The following SLC43A1 variants were observed in gnomAD, a reference collection of about 807,000 sequenced individuals.
The protein encoded by SLC43A1 is large neutral amino acids transporter small subunit 3.
Under a neutral mutation model 59.5 loss-of-function variants are expected in SLC43A1, and 31 were observed. The ratio of observed to expected loss-of-function variants is 0.52; its 90% confidence interval spans 0.39 to 0.70. SLC43A1 has a LOEUF of 0.70. Among genes scored for constraint, SLC43A1 ranks in the 30% least tolerant of loss-of-function variants. The pLI is 0.00. For synonymous variants in SLC43A1, 259 were observed against 290.9 expected (o/e 0.89, Z 1.12); for missense variants, 598 against 717.8 (o/e 0.83, Z 1.91).
Position 57,484,813 on chromosome 11 carries a change from G to A in SLC43A1, c.*283C>T, listed in dbSNP as rs1943683948. The A allele has an allele frequency of 3.1e-6, 1 of 323,384 alleles. No individual in the cohort carries two copies. Among genetic ancestry groups the A allele is most frequent in the Non-Finnish European group, 5.7e-6 (1 of 174,766 alleles). 20.0% of individuals were successfully genotyped at this position (323,384 alleles called of 1,614,324 possible). A position where few individuals can be genotyped will look rare whatever the true frequency, so the allele number is the denominator to read the frequency against. ...ACCAGGAGGCAGACCGCTAGAAGGA[G>A]ATAAGAGGCACCCTGGTCTCCTCCA... On this transcript the variant is annotated 3_prime_UTR_variant, in exon 15 of 15. Coordinates refer to ENST00000278426, the MANE Select transcript of SLC43A1 (RefSeq NM_003627.6).
At chr11:57,502,492 T>C (rs961543845) in intron 2 of SLC43A1, among the ~76,000 whole-genome samples, 2 of 152,138 alleles carry the variant, frequency 1.3e-5, no homozygotes, top group African/African-American at 4.8e-5. Context: ...TGGTGGGTCA[T>C]GTGGTAAGCA....
chr11:57,515,109 C>A lies in SLC43A1; in HGVS notation c.-14+335G>T. 1 of 980,624 alleles carries A rather than the reference C, an allele frequency of 1.0e-6. No individual in the cohort carries two copies. The highest frequency in any genetic ancestry group is 5.2e-4 in the Middle Eastern group (1 of 1,906). 60.7% of individuals were successfully genotyped at this position (980,624 alleles called of 1,614,324 possible). ...AGAGGGGAGGAAGTACCAGTCACTT[C>A]TTCCAGGGGGACTCGGTATTCTCAT... On this transcript the variant is annotated intron_variant, in intron 1 of 14. Transcript: ENST00000278426. The surrounding 1 kb of genome is among the most constrained non-coding windows in gnomAD (Gnocchi z 5.3).
Position 57,485,201 on chromosome 11 carries a change from C to T in SLC43A1, c.1575G>A (p.Leu525=). The T allele has an allele frequency of 1.2e-6, 2 of 1,613,814 alleles. No homozygotes were observed. Among genetic ancestry groups the T allele is most frequent in the Non-Finnish European group, 1.7e-6 (2 of 1,179,882 alleles). Residue 525 remains leucine (L), a synonymous_variant, in exon 15 of 15, where the codon CTG becomes CTA. Transcript: ENST00000278426. ...GLLLFSLLGF[L]LPSYLFYYRA... ...GGTAATAGAAGAGGTAGGAAGGCAA[C>T]AGGAATCCCAGGAGTGAGAATAGCA...
chr11:57,489,760 G>A (rs941045615), intron 11 of SLC43A1, among the ~76,000 whole-genome samples: 1 of 152,210 alleles, frequency 6.6e-6, no homozygotes, highest in Non-Finnish European at 1.5e-5. Flanking sequence ...GGGAAGGAAG[G>A]TGGGAAGTGG....
chr11:57,493,080 C>T (rs1590753533), intron 8 of SLC43A1, among the ~76,000 whole-genome samples: 1 of 152,108 alleles, frequency 6.6e-6, no homozygotes, highest in African/African-American at 2.4e-5. Flanking sequence ...AACTCTGAAG[C>T]ACTCACTATG....
rs926630428 is a variant in SLC43A1 at position 57,514,797 on chromosome 11, C to G, written c.-14+647G>C. ...CTCACTCACTCCGCAGGGCTCGGGG[C>G]ACCAGGCTTTGCACCTCGGAACCCG... On this transcript the variant is annotated intron_variant, in intron 1 of 14. Transcript: ENST00000278426. The surrounding 1 kb of genome is among the most constrained non-coding windows in gnomAD (Gnocchi z 5.5). The G allele has an allele frequency of 7.1e-6, 7 of 985,362 alleles. No individual in the cohort carries two copies. Among genetic ancestry groups the G allele is most frequent in the Non-Finnish European group, 8.4e-6 (7 of 829,846 alleles). The allele number at this position is 985,362 out of a possible 1,614,324, so 61.0% of individuals were successfully genotyped here. A position where few individuals can be genotyped will look rare whatever the true frequency, so the allele number is the denominator to read the frequency against.
At chr11:57,501,450 CTA>C in intron 2 of SLC43A1, 121 bp from the exon 3 acceptor site, 1 of 974,416 alleles carries the variant, frequency 1.0e-6, no homozygotes, top group African/African-American at 1.6e-5. Flanking sequence ...TGGGGGTACC[CTA>C]GAGTCACATC....
At chr11:57,489,169 T>A (rs960345894) in intron 12 of SLC43A1, 82 bp downstream of exon 12, 3 of 1,552,072 alleles carry the variant, frequency 1.9e-6, no homozygotes, top group Admixed American at 1.7e-5. Flanking sequence ...GAACTGCGCT[T>A]CCTGGAAGGC....
Position 57,494,093 on chromosome 11 carries a change from C to T in SLC43A1, c.771G>A (p.Met257Ile). ...GDLFYTHVTT[M>I]GQRLSQKAPS... ...GGGCCTTCTGGCTGAGCCTCTGGCC[C>T]ATGGTGGTCACATGGGTGTAGAAGA... The change falls in exon 8 of 15, where the codon ATG (methionine) becomes ATA (isoleucine). Residue 257 changes from methionine (M) to isoleucine (I), a missense_variant. Physicochemically the swap from Met to Ile is conservative, Grantham distance 10 (BLOSUM62 1). Transcript: ENST00000278426. 2 of 1,611,726 alleles carry T rather than the reference C, an allele frequency of 1.2e-6. No homozygotes were observed. The highest frequency in any genetic ancestry group is 1.7e-6 in the Non-Finnish European group (2 of 1,178,962).
rs538861289 is a variant in SLC43A1 at position 57,491,319 on chromosome 11, G to C, written c.1098C>G (p.Cys366Trp). 6.2e-6 allele frequency: 10 copies of C among 1,610,500 alleles called. No homozygotes were observed. The highest frequency in any genetic ancestry group is 7.6e-6 in the Non-Finnish European group (9 of 1,178,156). The change falls in exon 11 of 15, where the codon TGC becomes TGG. Residue 366 changes from cysteine to tryptophan, a missense_variant. Transcript: ENST00000278426. The part of the protein sequence containing the change: ...SSVFGAMQLL[C>W]LLTCPLIGYI... ...AGCCAATGAGGGGGCAGGTGAGAAG[G>C]CACAACAGCTGCATGGCCCCGAAGA...
intron 2 of SLC43A1, among the ~76,000 whole-genome samples, chr11:57,509,577 G>T (rs1008990929): frequency 2.0e-5 from 3 of 146,842 alleles, no homozygotes; most frequent in Non-Finnish European, 4.5e-5. Context: ...GACAGAGCAA[G>T]ATTCCGTCAG....
At chr11:57,509,123 A>C (rs144554526) in intron 2 of SLC43A1, among the ~76,000 whole-genome samples, 62 of 151,970 alleles carry the variant, frequency 4.1e-4, no homozygotes, top group Middle Eastern at 3.4e-3. Context: ...AAAAAAAAAA[A>C]GAAACAAAGA....
At chr11:57,507,231 G>C (rs1489472590) in intron 2 of SLC43A1, among the ~76,000 whole-genome samples, 1 of 152,210 alleles carries the variant, frequency 6.6e-6, no homozygotes, top group African/African-American at 2.4e-5. Context: ...ACTTTAGGAG[G>C]CCAAGAAAGG....
chr11:57,485,254 G>A lies in SLC43A1; in HGVS notation c.1534-12C>T, dbSNP rs1189193097. ...AGGCCCAGATTCACCTTTAGGGCAA[G>A]GAGAGAGAAACAGAGTCAAGTAGGT... On this transcript the variant is annotated splice_polypyrimidine_tract_variant and intron_variant, in intron 14 of 14. Coordinates refer to ENST00000278426, the MANE Select transcript of SLC43A1 (RefSeq NM_003627.6). 1.9e-6 allele frequency: 3 copies of A among 1,607,186 alleles called. No homozygotes were observed. Among genetic ancestry groups the A allele is most frequent in the Non-Finnish European group, 2.5e-6 (3 of 1,176,740 alleles).
At chr11:57,508,381 C>T (rs1358498274) in intron 2 of SLC43A1, among the ~76,000 whole-genome samples, 1 of 152,170 alleles carries the variant, frequency 6.6e-6, no homozygotes, top group African/African-American at 2.4e-5. Context: ...TATGGCAACA[C>T]AGATTCCTGG....
intron 13 of SLC43A1, among the ~76,000 whole-genome samples, chr11:57,487,901 A>C (rs1943787373): frequency 6.6e-6 from 1 of 152,160 alleles, no homozygotes; most frequent in East Asian, 1.9e-4. Context: ...CAGGGAACAC[A>C]CTTGAGACTT....
rs765581028 is a variant in SLC43A1 at position 57,489,252 on chromosome 11, T to TGG, written c.1332_1333dup (p.Gln445ProfsTer4). 17 of 1,613,986 alleles carry TGG rather than the reference T, an allele frequency of 1.1e-5. No individual in the cohort carries two copies. The highest frequency in any genetic ancestry group is 1.4e-5 in the Non-Finnish European group (17 of 1,180,010). ...GAGGGGAAGGATGAAGGTGGGTACC[T>TGG]GGAGGTGTAAGTTGTTGATGAGACA... On this transcript the variant is annotated frameshift_variant and splice_region_variant, in exon 12 of 15. Coordinates refer to ENST00000278426, the MANE Select transcript of SLC43A1 (RefSeq NM_003627.6). LOFTEE classifies it high-confidence loss of function.
At chr11:57,494,774 G>A (rs1944027937) in intron 7 of SLC43A1, among the ~76,000 whole-genome samples, 3 of 151,942 alleles carry the variant, frequency 2.0e-5, no homozygotes, top group Non-Finnish European at 2.9e-5. Flanking sequence ...ACATGGCATC[G>A]AGTGCCATTG....
chr11:57,500,195 C>T (rs1031109725), intron 5 of SLC43A1, among the ~76,000 whole-genome samples: 1 of 152,194 alleles, frequency 6.6e-6, no homozygotes, highest in African/African-American at 2.4e-5. Context: ...GCCATGTGCA[C>T]GACGAGGTGT....
Sources: gnomAD v4.1 joint callset for allele counts (sites outside exome capture counted in the v4.1 genomes callset) on GRCh38, gnomAD v4.1.1 for gene constraint, Gnocchi (gnomAD v3.1) non-coding constraint, MANE v1.5 for transcripts, NCBI Gene and HGNC (gene_info 2026-07-23, HGNC 2026-07-21) for gene names.